The following MICU1 variants were observed in gnomAD, a reference collection of about 807,000 sequenced individuals.
The protein encoded by MICU1 is mitochondrial calcium uptake 1, also known as calcium uptake protein 1, mitochondrial.
In MICU1, 45 loss-of-function variants were observed where a neutral mutation model predicts 56.8. The observed-to-expected ratio is 0.79, with a 90% CI of 0.62 to 1.02. MICU1 has a LOEUF of 1.02. Ranked by LOEUF, MICU1 falls within the 50% of genes least tolerant of loss-of-function variation. MICU1 has a pLI of 0.00. For synonymous variants in MICU1, 186 were observed against 195.1 expected (o/e 0.95, Z 0.39); for missense variants, 504 against 587.1 (o/e 0.86, Z 1.46).
At chr10:72,404,044 G>C (rs1863550963) in intron 10 of MICU1, among the ~76,000 whole-genome samples, 1 of 149,718 alleles carries the variant, frequency 6.7e-6, no homozygotes, top group Admixed American at 6.7e-5. Context: ...AGCTGGAGTA[G>C]AGTGGTGAGA....
intron 1 of MICU1, among the ~76,000 whole-genome samples, chr10:72,594,175 C>G (rs1408972435): frequency 6.6e-6 from 1 of 152,120 alleles, no homozygotes; most frequent in Non-Finnish European, 1.5e-5. Context: ...ACATATAGAC[C>G]AATGGAATAA....
intron 6 of MICU1, among the ~76,000 whole-genome samples, chr10:72,498,189 C>T (rs567634292): frequency 5.7e-4 from 86 of 152,208 alleles, no homozygotes; most frequent in Non-Finnish European, 1.1e-3. Flanking sequence ...AATACTTTTA[C>T]ATGTTAGGTC....
At chr10:72,544,946 T>C (rs995263605) in intron 4 of MICU1, among the ~76,000 whole-genome samples, 2 of 152,202 alleles carry the variant, frequency 1.3e-5, no homozygotes, top group Non-Finnish European at 1.5e-5. Context: ...ATGATTATTT[T>C]TGAACTGTTC....
chr10:72,563,101 C>A, intron 2 of MICU1, 38 bp from the exon 3 acceptor site: 1 of 1,432,162 alleles, frequency 7.0e-7, no homozygotes, highest in South Asian at 1.7e-5. Context: ...TAATCTTGAA[C>A]GTCCATCATA....
At chr10:72,421,238 T>TTTTC (rs916532091) in intron 9 of MICU1, among the ~76,000 whole-genome samples, 2 of 151,582 alleles carry the variant, frequency 1.3e-5, no homozygotes, top group African/African-American at 4.8e-5. Flanking sequence ...TCCTATCATC[T>TTTTC]TTTCTTTCTT....
chr10:72,395,369 C>T (rs1453433323), intron 10 of MICU1, among the ~76,000 whole-genome samples: 2 of 152,164 alleles, frequency 1.3e-5, no homozygotes, highest in Non-Finnish European at 2.9e-5. Context: ...GTGATCGACA[C>T]AGAAGATGGG....
chr10:72,378,979 AC>A (rs1862615842), intron 10 of MICU1, among the ~76,000 whole-genome samples: 1 of 152,204 alleles, frequency 6.6e-6, no homozygotes, highest in South Asian at 2.1e-4. Flanking sequence ...ATTCTTTGGT[AC>A]TAAAAGACTG....
At chr10:72,485,308 G>A (rs1481467791) in intron 6 of MICU1, among the ~76,000 whole-genome samples, 1 of 151,822 alleles carries the variant, frequency 6.6e-6, no homozygotes, top group African/African-American at 2.4e-5. Context: ...GATTTCCTGG[G>A]CTCAAGTGAT....
chr10:72,427,578 T>A (rs377754667), intron 8 of MICU1, among the ~76,000 whole-genome samples: 55 of 151,924 alleles, frequency 3.6e-4, no homozygotes, highest in African/African-American at 1.2e-3. Flanking sequence ...CCAGAGTAAA[T>A]CCTCTCCTCA....
At position 72,611,440 on chromosome 10, in the gene MICU1, C is replaced by T. The variant is rs540040039; in HGVS notation, c.-2+14570G>A. Reference sequence around the variant, plus strand: ...CAGCCTGGCCAACATGGCGAAACCCCGTCTCTACTAAAAATACAAAAATTA... The same window carrying T: ...CAGCCTGGCCAACATGGCGAAACCCTGTCTCTACTAAAAATACAAAAATTA... On this transcript the variant is annotated intron_variant, in intron 1 of 11. Transcript: ENST00000361114. 1.1e-4 allele frequency among the ~76,000 whole-genome samples: 16 copies of T among 151,976 alleles called. No individual in the cohort carries two copies. In the South Asian group the frequency reaches 1.5e-3, roughly 14 times the overall value.
chr10:72,424,542 T>C (rs553386345), intron 8 of MICU1, among the ~76,000 whole-genome samples: 1 of 152,120 alleles, frequency 6.6e-6, no homozygotes, highest in African/African-American at 2.4e-5. Context: ...GTCTTGAACT[T>C]CTGGGATCAA....
intron 1 of MICU1, among the ~76,000 whole-genome samples, chr10:72,584,699 A>G (rs999510442): frequency 9.2e-5 from 14 of 152,048 alleles, no homozygotes; most frequent in African/African-American, 3.4e-4. Context: ...CTACAGGCAC[A>G]TGCCACACAC....
chr10:72,418,119 G>A (rs1238262526), intron 9 of MICU1, among the ~76,000 whole-genome samples: 1 of 152,126 alleles, frequency 6.6e-6, no homozygotes, highest in Non-Finnish European at 1.5e-5. Context: ...CAGGATGGGG[G>A]AAACTGCCCC....
At chr10:72,518,327 C>T (rs981918379) in intron 5 of MICU1, among the ~76,000 whole-genome samples, 3 of 151,986 alleles carry the variant, frequency 2.0e-5, no homozygotes, top group African/African-American at 7.2e-5. Flanking sequence ...AGCCACTGCA[C>T]CTGGCCTGTT....
intron 8 of MICU1, among the ~76,000 whole-genome samples, chr10:72,465,940 AC>A (rs893451070): frequency 2.6e-5 from 4 of 151,990 alleles, no homozygotes; most frequent in Non-Finnish European, 5.9e-5. Context: ...TTTTTTTCCT[AC>A]TTCATAATTT....
At position 72,596,223 on chromosome 10, in the gene MICU1, C is replaced by T. The variant is rs376095520; in HGVS notation, c.-1-29429G>A. Among the ~76,000 whole-genome samples, 10 of 152,172 alleles carry T rather than the reference C, an allele frequency of 6.6e-5. No homozygotes were observed. The East Asian group carries it at 9.7e-4, about 15-fold the overall frequency. On this transcript the variant is annotated intron_variant, in intron 1 of 11. Coordinates refer to ENST00000361114, the MANE Select transcript of MICU1 (RefSeq NM_001195518.2). ...AACTCCTGACCTCATGGTCTGCCCG[C>T]CTCAGCCTCCCAAAGTGCTGGGATT...
intron 3 of MICU1, among the ~76,000 whole-genome samples, chr10:72,554,333 A>T (rs887903269): frequency 6.6e-6 from 1 of 152,264 alleles, no homozygotes; most frequent in African/African-American, 2.4e-5. Context: ...GCAACTAGAC[A>T]TTAGGTGTCT....
intron 1 of MICU1, among the ~76,000 whole-genome samples, chr10:72,595,447 C>CAAAAAAAAAAAAAAAAAAAAAA (rs1255926638): frequency 2.4e-5 from 1 of 41,180 alleles, no homozygotes; most frequent in African/African-American, 8.4e-5. Context: ...GACTCTGTCT[C>CAAAAAAAAAAAAAAAAAAAAAA]AAAAAAAAAA....
chr10:72,391,959 A>G (rs1863088900), intron 10 of MICU1: 1 of 152,178 alleles, frequency 6.6e-6, no homozygotes, highest in Non-Finnish European at 1.5e-5. Context: ...GGTCACCCGC[A>G]TCTAGTGCTC....
Sources: allele counts gnomAD v4.1 joint callset (sites outside exome capture counted in the v4.1 genomes callset), GRCh38; gene constraint gnomAD v4.1.1; transcripts MANE v1.5; gene names NCBI Gene and HGNC (gene_info 2026-07-23, HGNC 2026-07-21).